POU6F2: variants seen among roughly 807,000 people sequenced by gnomAD.
The protein encoded by POU6F2 is POU domain, class 6, transcription factor 2.
Under a neutral mutation model 71.3 loss-of-function variants are expected in POU6F2, and 31 were observed. That is an observed-to-expected ratio of 0.43 (90% CI 0.33 to 0.59). The LOEUF (loss-of-function observed/expected upper bound fraction) is 0.59, where lower values mean the gene tolerates loss of function less well. Among genes scored for constraint, POU6F2 ranks in the 20% least tolerant of loss-of-function variants. POU6F2 has a pLI of 0.04. For synonymous variants in POU6F2, 347 were observed against 355.7 expected (o/e 0.98, Z 0.27); for missense variants, 783 against 856.8 (o/e 0.91, Z 1.07).
chr7:39,001,186 T>G (rs1459410249), intron 1 of POU6F2, among the ~76,000 whole-genome samples: 1 of 152,140 alleles, frequency 6.6e-6, no homozygotes, highest in East Asian at 1.9e-4. Flanking sequence ...GACTTATGGG[T>G]ATAGCAGCAT....
chr7:39,175,381 T>A (rs1265550543), intron 2 of POU6F2, among the ~76,000 whole-genome samples: 1 of 152,040 alleles, frequency 6.6e-6, no homozygotes, highest in African/African-American at 2.4e-5. Flanking sequence ...CCAAACTAGG[T>A]CAACTTTTGA....
intron 2 of POU6F2, among the ~76,000 whole-genome samples, chr7:39,166,256 G>A (rs1793113745): frequency 6.6e-6 from 1 of 152,228 alleles, no homozygotes; most frequent in African/African-American, 2.4e-5. Context: ...CACAGACAGT[G>A]TGGAAAACTT....
At position 39,004,153 on chromosome 7, in the gene POU6F2, T is replaced by C. The variant is rs118106791; in HGVS notation, c.105+26095T>C. Among the ~76,000 whole-genome samples the C allele has an allele frequency of 3.5e-3, 532 of 152,362 alleles. 20 individuals are homozygous for C. In the East Asian group the frequency reaches 0.087, roughly 25 times the overall value. ...AGGCCTAGAACATATTCCTTTTCAC[T>C]GTGTTCACCCAGTGCCTTAAGGAAA... On this transcript the variant is annotated intron_variant, in intron 1 of 9. Coordinates refer to ENST00000518318, the MANE Select transcript of POU6F2 (RefSeq NM_001370959.1).
intron 2 of POU6F2, among the ~76,000 whole-genome samples, chr7:39,174,862 A>C (rs985360984): frequency 6.6e-6 from 1 of 151,638 alleles, no homozygotes; most frequent in African/African-American, 2.4e-5. Context: ...CCCTGCCCTG[A>C]CCCCCATGTA....
intron 1 of POU6F2, among the ~76,000 whole-genome samples, chr7:39,034,937 A>T (rs540706583): frequency 6.6e-6 from 1 of 152,140 alleles, no homozygotes; most frequent in African/African-American, 2.4e-5. Flanking sequence ...TAGTTATTAA[A>T]AATAGAATAT....
At chr7:39,036,098 C>T (rs185792708) in intron 1 of POU6F2, among the ~76,000 whole-genome samples, 2 of 152,216 alleles carry the variant, frequency 1.3e-5, no homozygotes, top group African/African-American at 2.4e-5. Flanking sequence ...CTACAGGATA[C>T]AGCTCATTTG....
At chr7:39,108,557 G>T (rs958986975) in intron 2 of POU6F2, among the ~76,000 whole-genome samples, 1 of 152,102 alleles carries the variant, frequency 6.6e-6, no homozygotes, top group Non-Finnish European at 1.5e-5. Flanking sequence ...ACTTGATCAT[G>T]TTCCCCCAGC....
chr7:39,100,274 A>G (rs954010791), intron 2 of POU6F2, among the ~76,000 whole-genome samples: 1 of 152,268 alleles, frequency 6.6e-6, no homozygotes, highest in African/African-American at 2.4e-5. Context: ...CCACACTTCC[A>G]AGGGTTTGAA....
intron 4 of POU6F2, among the ~76,000 whole-genome samples, chr7:39,285,018 C>G (rs1234250378): frequency 6.6e-6 from 1 of 152,166 alleles, no homozygotes; most frequent in Non-Finnish European, 1.5e-5. Flanking sequence ...AGCTCTCAAG[C>G]CCACAGCTTG....
rs1221926848 is a variant in POU6F2 at position 38,981,949 on chromosome 7, A to G, written c.105+3891A>G. Among the ~76,000 whole-genome samples, 5 of 152,174 alleles carry G rather than the reference A, an allele frequency of 3.3e-5. No homozygotes were observed. In the East Asian group the frequency reaches 9.6e-4, roughly 29 times the overall value. On this transcript the variant is annotated intron_variant, in intron 1 of 9. Transcript: ENST00000518318. Reference sequence around the variant, plus strand: ...ATAGCATCAAAACAATTAATTTTACATAGAGGTTTGTTTATACCATCCCTT... The same window carrying G: ...ATAGCATCAAAACAATTAATTTTACGTAGAGGTTTGTTTATACCATCCCTT...
chr7:39,070,745 G>A (rs1164017025), intron 1 of POU6F2, among the ~76,000 whole-genome samples: 2 of 152,080 alleles, frequency 1.3e-5, no homozygotes, highest in Non-Finnish European at 1.5e-5. Flanking sequence ...CTCTCTGATC[G>A]CCTTATGTAA....
chr7:39,017,758 C>G lies in POU6F2; in HGVS notation c.105+39700C>G, dbSNP rs141509192. ...TTCTAACCCAATTATTTGCATGACTCCTTTATATAAAACATTCCAAAATGT... is the reference window on the plus strand; with the variant it reads ...TTCTAACCCAATTATTTGCATGACTGCTTTATATAAAACATTCCAAAATGT... On this transcript the variant is annotated intron_variant, in intron 1 of 9. Transcript: ENST00000518318. 4.3e-3 allele frequency among the ~76,000 whole-genome samples: 656 copies of G among 151,646 alleles called. 6 individuals carry two copies. The highest frequency in any genetic ancestry group is 6.9e-3 in the Admixed American group (105 of 15,184).
chr7:39,342,316 G>A (rs765380964), intron 5 of POU6F2, among the ~76,000 whole-genome samples: 3 of 152,048 alleles, frequency 2.0e-5, no homozygotes, highest in Admixed American at 6.5e-5. Flanking sequence ...TTGAGTTTGT[G>A]GAACATGGAA....
intron 1 of POU6F2, among the ~76,000 whole-genome samples, chr7:39,068,193 A>G (rs1282436776): frequency 6.6e-6 from 1 of 152,150 alleles, no homozygotes; most frequent in Admixed American, 6.6e-5. Context: ...TATAGCATAC[A>G]TTTTTGCCAC....
intron 2 of POU6F2, among the ~76,000 whole-genome samples, chr7:39,094,178 C>CGATGCT (rs909604661): frequency 7.9e-5 from 12 of 152,048 alleles, no homozygotes; most frequent in Non-Finnish European, 1.5e-4. Context: ...GTGTCTTCTT[C>CGATGCT]GATGCTGCTA....
intron 4 of POU6F2, among the ~76,000 whole-genome samples, chr7:39,294,044 G>A (rs113228588): frequency 2.8e-4 from 43 of 152,164 alleles, no homozygotes; most frequent in African/African-American, 9.1e-4. Flanking sequence ...TTTGTTAATA[G>A]CATTTATTAG....
chr7:39,217,503 A>G (rs1482578210), intron 4 of POU6F2, among the ~76,000 whole-genome samples: 1 of 152,212 alleles, frequency 6.6e-6, no homozygotes. Flanking sequence ...TTGACAGCAG[A>G]GATCCGTTAC....
At chr7:39,413,165 AT>A (rs1279098724) in intron 6 of POU6F2, among the ~76,000 whole-genome samples, 2 of 151,888 alleles carry the variant, frequency 1.3e-5, no homozygotes, top group Non-Finnish European at 1.5e-5. Flanking sequence ...CACAAAAAAA[AT>A]AATTAATTAA....
At chr7:39,115,648 C>T (rs758055709) in intron 2 of POU6F2, among the ~76,000 whole-genome samples, 2 of 152,110 alleles carry the variant, frequency 1.3e-5, no homozygotes, top group African/African-American at 4.8e-5. Context: ...CAAAGAAACC[C>T]CTAACTTGGG....
Sources: allele counts gnomAD v4.1 joint callset (sites outside exome capture counted in the v4.1 genomes callset), GRCh38; gene constraint gnomAD v4.1.1; transcripts MANE v1.5; gene names NCBI Gene and HGNC (gene_info 2026-07-23, HGNC 2026-07-21).